The following SLC35F4 variants were observed in gnomAD, a reference collection of about 807,000 sequenced individuals.
SLC35F4 encodes the protein chromosome 14 open reading frame 36.
Under a neutral mutation model 44.2 loss-of-function variants are expected in SLC35F4, and 24 were observed. That is an observed-to-expected ratio of 0.54 (90% CI 0.39 to 0.76). SLC35F4 has a LOEUF of 0.76. Ranked by LOEUF, SLC35F4 falls within the 30% of genes least tolerant of loss-of-function variation. The pLI is 0.00. For missense variants in SLC35F4, 562 were observed against 586.1 expected (o/e 0.96, Z 0.42); for synonymous variants, 238 against 223.6 (o/e 1.06, Z -0.57).
intron 1 of SLC35F4, among the ~76,000 whole-genome samples, chr14:57,716,528 A>T (rs2075948969): frequency 6.6e-6 from 1 of 152,144 alleles, no homozygotes; most frequent in Non-Finnish European, 1.5e-5. Context: ...TCTGGTCTAA[A>T]CTGTTCATTA....
chr14:57,723,291 G>T (rs539567768), intron 1 of SLC35F4, among the ~76,000 whole-genome samples: 24 of 152,168 alleles, frequency 1.6e-4, no homozygotes, highest in Non-Finnish European at 3.2e-4. Context: ...TCCCTGACTG[G>T]TATTATGGTG....
At chr14:57,913,544 TGAG>T (rs766698020) in intron 1 of SLC35F4, among the ~76,000 whole-genome samples, 3 of 152,186 alleles carry the variant, frequency 2.0e-5, no homozygotes, top group Non-Finnish European at 4.4e-5. Context: ...GTTTAGTATT[TGAG>T]AAGAAGGTGT....
rs534667643 is a variant in SLC35F4, at chr14:57,884,903, G to A, written n.282+97010C>T. On this transcript the variant is annotated intron_variant and non_coding_transcript_variant, in intron 1 of 1. Coordinates refer to the SLC35F4 transcript ENST00000556568. The stretch of plus-strand genomic sequence containing the variant: ...AAGGTATAAACTTCTGTGTTGGAGA[G>A]CTCTATGCTGTGATAAGGATATCAT... Among the ~76,000 whole-genome samples the A allele has an allele frequency of 9.1e-4, 138 of 152,186 alleles. 1 individual carries two copies. The Middle Eastern group carries it at 0.024, about 26-fold the overall frequency.
rs149104185 is a variant in SLC35F4 at position 57,907,823 on chromosome 14, A to AT, written n.282+74089dup. Among the ~76,000 whole-genome samples the AT allele has an allele frequency of 3.8e-4, 57 of 151,068 alleles. No individual in the cohort carries two copies. In the South Asian group the frequency reaches 4.0e-3, roughly 11 times the overall value. On this transcript the variant is annotated intron_variant and non_coding_transcript_variant, in intron 1 of 1. Coordinates refer to the SLC35F4 transcript ENST00000556568. ...ACTTTTAAAAATAATAATAAACCTT[A>AT]TTTTTTTTTATTTTACGTTCTGGGA...
intron 1 of SLC35F4, among the ~76,000 whole-genome samples, chr14:57,696,462 G>A (rs2075386250): frequency 6.6e-6 from 1 of 152,184 alleles, no homozygotes. Flanking sequence ...GTTTTACACT[G>A]TTGGTGGGAC....
intron 1 of SLC35F4, chr14:57,630,566 T>G (rs2072719082): frequency 8.6e-6 from 9 of 1,052,386 alleles, no homozygotes; most frequent in South Asian, 1.2e-5. Flanking sequence ...TGGCTCAAGA[T>G]ATGAAAAGGA....
intron 1 of SLC35F4, among the ~76,000 whole-genome samples, chr14:57,724,079 G>A (rs2076147303): frequency 6.6e-6 from 1 of 152,192 alleles, no homozygotes; most frequent in Non-Finnish European, 1.5e-5. Flanking sequence ...GATTTTGAAG[G>A]CAACACATTC....
intron 1 of SLC35F4, among the ~76,000 whole-genome samples, chr14:57,623,787 A>T (rs1454796661): frequency 1.3e-5 from 2 of 152,218 alleles, no homozygotes; most frequent in African/African-American, 4.8e-5. Context: ...AATCTCTGGG[A>T]CACACATAAA....
At chr14:57,571,350 G>A (rs753210726) in intron 5 of SLC35F4, among the ~76,000 whole-genome samples, 18 of 152,146 alleles carry the variant, frequency 1.2e-4, no homozygotes, top group Non-Finnish European at 2.2e-4. Flanking sequence ...CCATCAGAGA[G>A]AAAAAGAGCT....
At chr14:57,719,967 T>C (rs2076043475) in intron 1 of SLC35F4, among the ~76,000 whole-genome samples, 2 of 152,192 alleles carry the variant, frequency 1.3e-5, no homozygotes, top group Admixed American at 6.5e-5. Flanking sequence ...GTTTTTATTA[T>C]GTTGTGGTAT....
rs1252554942 is a variant in SLC35F4, at chr14:57,865,778, C to G, written c.48G>C (p.Arg16=). 1 of 1,524,264 alleles carries G rather than the reference C, an allele frequency of 6.6e-7. No individual in the cohort carries two copies. Among genetic ancestry groups the G allele is most frequent in the South Asian group, 1.2e-5 (1 of 81,906 alleles). The allele number at this position is 1,524,264 out of a possible 1,614,324, so 94.4% of individuals were successfully genotyped here. A position where few individuals can be genotyped will look rare whatever the true frequency, so the allele number is the denominator to read the frequency against. ...CATAGTAGCCGGTGATCCGCAGGAT[C>G]CGGTCCTCGATAGTGGCCACCCCGT... ...APNGVATIED[R]ILRITGYYGY... is the part of the protein sequence containing the mutation. Residue 16 remains arginine (R), a synonymous_variant, in exon 1 of 8, where the codon CGG becomes CGC. Transcript: ENST00000556826.
intron 1 of SLC35F4, among the ~76,000 whole-genome samples, chr14:57,615,585 G>C (rs1046345939): frequency 6.6e-6 from 1 of 152,028 alleles, no homozygotes; most frequent in Non-Finnish European, 1.5e-5. Flanking sequence ...AGATGGGATA[G>C]AGGGTTAGAT....
Position 57,743,617 on chromosome 14 carries a change from C to T in SLC35F4, c.103+122106G>A, listed in dbSNP as rs542071052. Among the ~76,000 whole-genome samples, 231 of 152,188 alleles carry T rather than the reference C, an allele frequency of 1.5e-3. 1 individual carries two copies. Among genetic ancestry groups the T allele is most frequent in the Middle Eastern group, 6.8e-3 (2 of 294 alleles). On this transcript the variant is annotated intron_variant, in intron 1 of 7. Coordinates refer to ENST00000556826, the MANE Select transcript of SLC35F4 (RefSeq NM_001306087.2). The stretch of plus-strand genomic sequence containing the variant: ...CAACCAGAAAAACTCCAGGACCAGA[C>T]GGATTCACAGCCGAATTCTACCAGA...
intron 1 of SLC35F4, among the ~76,000 whole-genome samples, chr14:57,625,275 C>T (rs982679691): frequency 1.3e-5 from 2 of 152,084 alleles, no homozygotes; most frequent in African/African-American, 2.4e-5. Context: ...AGGAAAACTA[C>T]AAAACACTGC....
At chr14:57,647,858 C>T (rs571297862) in intron 1 of SLC35F4, among the ~76,000 whole-genome samples, 2 of 152,250 alleles carry the variant, frequency 1.3e-5, no homozygotes, top group East Asian at 3.9e-4. Flanking sequence ...CCGGCCTGTC[C>T]TCAGCAAGAA....
intron 1 of SLC35F4, among the ~76,000 whole-genome samples, chr14:57,842,832 G>A (rs1885617526): frequency 6.6e-6 from 1 of 152,150 alleles, no homozygotes; most frequent in South Asian, 2.1e-4. Flanking sequence ...ATTAACATTT[G>A]AGTCAGTGGG....
At chr14:57,717,789 A>T (rs1412221172) in intron 1 of SLC35F4, among the ~76,000 whole-genome samples, 3 of 152,236 alleles carry the variant, frequency 2.0e-5, no homozygotes, top group Non-Finnish European at 4.4e-5. Context: ...ACAGGCATGC[A>T]ATGTGTAATA....
intron 1 of SLC35F4, among the ~76,000 whole-genome samples, chr14:57,749,483 T>C (rs78731262): frequency 0.048 from 7,235 of 152,100 alleles, 173 homozygotes; most frequent in African/African-American, 0.072. Flanking sequence ...ATACTGATCA[T>C]ACACAGCAGT....
chr14:57,654,860 C>A (rs2073909138), intron 1 of SLC35F4, among the ~76,000 whole-genome samples: 1 of 152,114 alleles, frequency 6.6e-6, no homozygotes, highest in Non-Finnish European at 1.5e-5. Context: ...TAATTCAAAC[C>A]ATTATAGGAA....
Sources: allele counts gnomAD v4.1 joint callset (sites outside exome capture counted in the v4.1 genomes callset), GRCh38; gene constraint gnomAD v4.1.1; transcripts MANE v1.5; gene names NCBI Gene and HGNC (gene_info 2026-07-23, HGNC 2026-07-21).